The following USP32 variants were observed in gnomAD, a reference collection of about 807,000 sequenced individuals.
USP32 encodes the protein ubiquitin specific peptidase 32.
A neutral mutation model predicts 204.8 loss-of-function variants in USP32; 59 were observed. That is an observed-to-expected ratio of 0.29 (90% CI 0.23 to 0.36). The LOEUF is 0.36. USP32 is among the 10% of genes least tolerant of loss of function. USP32 has a pLI of 1.00. For missense variants in USP32, 1,160 were observed against 1,946.4 expected, an observed-to-expected ratio of 0.60 and a Z score of 7.60; for synonymous variants, 517 against 678.4, an observed-to-expected ratio of 0.76 and a Z score of 3.70.
chr17:60,347,639 C>T lies in USP32; in HGVS notation c.59-2031G>A, dbSNP rs532307327. On this transcript the variant is annotated intron_variant, in intron 1 of 33. Coordinates refer to ENST00000300896, the MANE Select transcript of USP32 (RefSeq NM_032582.4). ...AAGTGCTGGGATTACAGGCGTGAGCCACCGCGCCCGGCCTACACCTGGCTA... is the reference window on the plus strand; with the variant it reads ...AAGTGCTGGGATTACAGGCGTGAGCTACCGCGCCCGGCCTACACCTGGCTA... 4.6e-4 allele frequency among the ~76,000 whole-genome samples: 69 copies of T among 151,524 alleles called. 1 individual carries two copies. Among genetic ancestry groups the T allele is most frequent in the African/African-American group, 1.6e-3 (67 of 41,368 alleles).
intron 1 of USP32, among the ~76,000 whole-genome samples, chr17:60,359,986 G>GC (rs1467263165): frequency 6.6e-6 from 1 of 151,430 alleles, no homozygotes; most frequent in African/African-American, 2.4e-5. Flanking sequence ...TCCTGCCTCA[G>GC]CCCCCCGAGT....
At chr17:60,302,153 G>A (rs759097644) in intron 2 of USP32, among the ~76,000 whole-genome samples, 1 of 139,174 alleles carries the variant, frequency 7.2e-6, no homozygotes, top group Admixed American at 7.4e-5. Context: ...TTATTTATTT[G>A]AGATGGAGTT....
intron 2 of USP32, among the ~76,000 whole-genome samples, chr17:60,337,836 G>A (rs1466886870): frequency 6.6e-6 from 1 of 152,004 alleles, no homozygotes; most frequent in Admixed American, 6.6e-5. Context: ...AGCCATGATC[G>A]GGCCACTGCA....
chr17:60,375,657 G>A (rs2089526433), intron 1 of USP32, among the ~76,000 whole-genome samples: 1 of 152,198 alleles, frequency 6.6e-6, no homozygotes, highest in Non-Finnish European at 1.5e-5. Context: ...AGGCTGGAGT[G>A]CAGTGGCACG....
At chr17:60,227,355 C>G (rs930603909) in intron 12 of USP32, among the ~76,000 whole-genome samples, 26 of 150,914 alleles carry the variant, frequency 1.7e-4, no homozygotes, top group Admixed American at 9.2e-4. Context: ...CTGCAACCTC[C>G]ACCTCCCAGG....
At chr17:60,392,172 C>T, upstream of USP32, 1 of 551,538 alleles carries the variant, frequency 1.8e-6, no homozygotes, top group East Asian at 3.2e-5. Context: ...GCCTCCTACT[C>T]CGCCCTTCTC....
chr17:60,264,280 G>A (rs538068563), intron 9 of USP32, among the ~76,000 whole-genome samples: 8 of 151,716 alleles, frequency 5.3e-5, no homozygotes, highest in African/African-American at 1.2e-4. Flanking sequence ...AGCACTTTGG[G>A]AGGCTGAGGC....
intron 1 of USP32, among the ~76,000 whole-genome samples, chr17:60,369,520 A>G (rs909609647): frequency 6.6e-6 from 1 of 152,072 alleles, no homozygotes; most frequent in Non-Finnish European, 1.5e-5. Flanking sequence ...ATATGAAGTC[A>G]TAAATTAGAA....
intron 2 of USP32, among the ~76,000 whole-genome samples, chr17:60,311,406 A>G (rs2087849884): frequency 6.6e-6 from 1 of 152,208 alleles, no homozygotes; most frequent in Non-Finnish European, 1.5e-5. Context: ...TCAGACAATG[A>G]TGTCATCCCA....
At chr17:60,256,636 A>G in intron 9 of USP32, 1 of 993,518 alleles carries the variant, frequency 1.0e-6, no homozygotes. Flanking sequence ...CATACACGTT[A>G]GGTTAACAGG....
intron 15 of USP32, among the ~76,000 whole-genome samples, 172 bp downstream of exon 15, chr17:60,222,237 T>TGAAC (rs1191141487): frequency 6.6e-6 from 1 of 152,210 alleles, no homozygotes; most frequent in Non-Finnish European, 1.5e-5. Context: ...TATTTATGAA[T>TGAAC]GAATGAACGA....
At chr17:60,394,555 A>C (rs1048428655), upstream of USP32, among the ~76,000 whole-genome samples, 1 of 152,208 alleles carries the variant, frequency 6.6e-6, no homozygotes, top group Non-Finnish European at 1.5e-5. Flanking sequence ...AATTAATAGA[A>C]TATGACCGCA....
chr17:60,406,215 A>G (rs2089974879), intron 1 of USP32, among the ~76,000 whole-genome samples: 2 of 149,938 alleles, frequency 1.3e-5, no homozygotes, highest in Non-Finnish European at 3.0e-5. Context: ...TTTTTTGGAG[A>G]CAGTCTTGTT....
intron 2 of USP32, among the ~76,000 whole-genome samples, chr17:60,327,374 A>C (rs1353497707): frequency 7.1e-6 from 1 of 140,974 alleles, no homozygotes; most frequent in Non-Finnish European, 1.5e-5. Context: ...ACGTCACCGA[A>C]GCAGCCCATG....
rs539033097 is a variant in USP32, at chr17:60,360,212, C to T, written c.59-14604G>A. Among the ~76,000 whole-genome samples, 5 of 152,178 alleles carry T rather than the reference C, an allele frequency of 3.3e-5. No homozygotes were observed. The East Asian group carries it at 9.8e-4, about 30-fold the overall frequency. Reference sequence around the variant, plus strand: ...AAACCTGGCCAGGCACAGTGGCTCACACCTGTAATCCCAGCACTTTGGGAT... The same window carrying T: ...AAACCTGGCCAGGCACAGTGGCTCATACCTGTAATCCCAGCACTTTGGGAT... On this transcript the variant is annotated intron_variant, in intron 1 of 33. Transcript: ENST00000300896.
At chr17:60,315,619 G>T (rs988041523) in intron 2 of USP32, among the ~76,000 whole-genome samples, 1 of 152,010 alleles carries the variant, frequency 6.6e-6, no homozygotes, top group Non-Finnish European at 1.5e-5. Context: ...ACAGATACTT[G>T]TATGCCAATA....
At chr17:60,252,867 T>C (rs953893797) in intron 10 of USP32, among the ~76,000 whole-genome samples, 2 of 152,172 alleles carry the variant, frequency 1.3e-5, no homozygotes, top group African/African-American at 4.8e-5. Flanking sequence ...ACTCTATCAA[T>C]TTTAAAACAC....
chr17:60,325,240 C>G (rs548297985), intron 2 of USP32, among the ~76,000 whole-genome samples: 1 of 152,050 alleles, frequency 6.6e-6, no homozygotes, highest in Admixed American at 6.5e-5. Flanking sequence ...ATGGTGAAAC[C>G]CTGTCTCTAC....
intron 9 of USP32, chr17:60,256,835 C>A: frequency 1.1e-6 from 1 of 895,344 alleles, no homozygotes; most frequent in Middle Eastern, 5.0e-4. Context: ...TGGATTGGGC[C>A]AGTCAACATT....
Sources: gnomAD v4.1 joint callset for allele counts (sites outside exome capture counted in the v4.1 genomes callset) on GRCh38, gnomAD v4.1.1 for gene constraint, MANE v1.5 for transcripts, NCBI Gene and HGNC (gene_info 2026-07-23, HGNC 2026-07-21) for gene names.